NCKAP5: variants seen among roughly 807,000 people sequenced by gnomAD.
NCKAP5 encodes NCK associated protein 5, also known as nck-associated protein 5.
In NCKAP5, 92 loss-of-function variants were observed where a neutral mutation model predicts 167.0. The observed-to-expected ratio is 0.55, with a 90% confidence interval of 0.47 to 0.66. The LOEUF (loss-of-function observed/expected upper bound fraction) is 0.66, where lower values mean the gene tolerates loss of function less well. Among genes scored for constraint, NCKAP5 ranks in the 30% least tolerant of loss-of-function variants. The pLI, the probability that NCKAP5 is intolerant of heterozygous loss-of-function variation, is 0.00. For missense variants in NCKAP5, 2,378 were observed against 2,315.0 expected, an observed-to-expected ratio of 1.03 and a Z score of -0.56; for synonymous variants, 891 against 877.4, an observed-to-expected ratio of 1.02 and a Z score of -0.27.
chr2:133,603,279 T>C, the NCKAP5 span, among the ~76,000 whole-genome samples: 6 of 147,706 alleles, frequency 4.1e-5, no homozygotes, highest in African/African-American at 1.5e-4. Context: ...CAGGCTGAAG[T>C]GCGATGGCGC....
chr2:132,972,697 TA>T (rs935697253), intron 7 of NCKAP5, among the ~76,000 whole-genome samples: 4 of 151,394 alleles, frequency 2.6e-5, no homozygotes, highest in African/African-American at 9.7e-5. Context: ...CCGTCTCTAC[TA>T]AAAAAAATAC....
chr2:133,488,439 G>A (rs1385507335), intron 3 of NCKAP5, among the ~76,000 whole-genome samples: 1 of 152,156 alleles, frequency 6.6e-6, no homozygotes, highest in Non-Finnish European at 1.5e-5. Flanking sequence ...CAATTAGTGA[G>A]TAAATCTCAA....
intron 11 of NCKAP5, 51 bp from the exon 12 acceptor site, chr2:132,796,780 C>A: frequency 7.9e-7 from 1 of 1,265,290 alleles, no homozygotes; most frequent in South Asian, 1.3e-5. Flanking sequence ...AATTATTTGT[C>A]TCAAAATCCT....
At chr2:133,379,250 A>T (rs1455896271) in intron 3 of NCKAP5, among the ~76,000 whole-genome samples, 1 of 152,190 alleles carries the variant, frequency 6.6e-6, no homozygotes, top group Non-Finnish European at 1.5e-5. Context: ...AGCTCACCTC[A>T]TCTCCAGTAA....
rs115697199 is a variant in NCKAP5 at position 132,962,197 on chromosome 2, G to A, written c.579+1523C>T. On this transcript the variant is annotated intron_variant, in intron 8 of 19. Transcript: ENST00000409261. ...ATTGTTAATCACTGTGCCCAGGTAAGTAGGAACAAAATTAAGGAAAAGGAG... is the reference window on the plus strand; with the variant it reads ...ATTGTTAATCACTGTGCCCAGGTAAATAGGAACAAAATTAAGGAAAAGGAG... Among the ~76,000 whole-genome samples, 1,393 of 152,296 alleles carry A rather than the reference G, an allele frequency of 9.1e-3. 19 individuals are homozygous for A. Among genetic ancestry groups the A allele is most frequent in the African/African-American group, 0.031 (1,279 of 41,566 alleles).
At chr2:132,999,506 G>A (rs557796317) in intron 6 of NCKAP5, among the ~76,000 whole-genome samples, 1 of 152,270 alleles carries the variant, frequency 6.6e-6, no homozygotes, top group South Asian at 2.1e-4. Context: ...AGACACCAAA[G>A]GAAGATCTTT....
chr2:132,898,206 A>G (rs961136944), intron 8 of NCKAP5, among the ~76,000 whole-genome samples: 2 of 152,252 alleles, frequency 1.3e-5, no homozygotes, highest in African/African-American at 4.8e-5. Context: ...TTTCATCTCA[A>G]GAAATGACTT....
intron 3 of NCKAP5, among the ~76,000 whole-genome samples, chr2:133,347,047 A>G (rs193019439): frequency 6.6e-6 from 1 of 152,254 alleles, no homozygotes; most frequent in African/African-American, 2.4e-5. Flanking sequence ...TGTGAAATAT[A>G]AAACAACCTT....
At chr2:133,173,642 T>C (rs9287424) in intron 5 of NCKAP5, among the ~76,000 whole-genome samples, 9,006 of 152,284 alleles carry the variant, frequency 0.059, 354 homozygotes, top group East Asian at 0.17. Flanking sequence ...CCACTTTTCC[T>C]TGTCGTATTC....
chr2:133,303,056 G>C lies in NCKAP5; in HGVS notation c.124C>G (p.Gln42Glu). ...IEHLLTQLEE[Q>E]HRSLWREKLA... ...ACTCACCTCCAGAGACTCCTGTGTT[G>C]CTCCTCAAGCTGAGTCAGCAGATGC... Residue 42 changes from glutamine to glutamate, a missense_variant, in exon 4 of 20, where the codon CAA becomes GAA. Transcript: ENST00000409261. The C allele has an allele frequency of 1.2e-6, 2 of 1,600,494 alleles. No homozygotes were observed. The highest frequency in any genetic ancestry group is 1.7e-6 in the Non-Finnish European group (2 of 1,173,000).
At chr2:132,754,806 C>A (rs995571384) in intron 16 of NCKAP5, among the ~76,000 whole-genome samples, 9 of 152,060 alleles carry the variant, frequency 5.9e-5, no homozygotes, top group South Asian at 2.1e-4. Flanking sequence ...AAAAAACAGG[C>A]CAGGGAAATA....
intron 17 of NCKAP5, 31 bp downstream of exon 17, chr2:132,731,706 T>G: frequency 6.5e-7 from 1 of 1,532,620 alleles, no homozygotes; most frequent in South Asian, 1.3e-5. Context: ...TCAGCAAATG[T>G]CTTATTAAGG....
chr2:132,932,919 T>C (rs1255893861), intron 8 of NCKAP5, among the ~76,000 whole-genome samples: 9 of 141,040 alleles, frequency 6.4e-5, no homozygotes, highest in African/African-American at 2.3e-4. Flanking sequence ...GATTATCCTC[T>C]ACTTTTTTTT....
At chr2:133,175,904 T>C (rs1439206110) in intron 5 of NCKAP5, among the ~76,000 whole-genome samples, 1 of 152,176 alleles carries the variant, frequency 6.6e-6, no homozygotes, top group Non-Finnish European at 1.5e-5. Context: ...AATCCATTCA[T>C]AGGACTTGCT....
At chr2:133,380,117 A>G (rs1042755389) in intron 3 of NCKAP5, among the ~76,000 whole-genome samples, 1 of 152,192 alleles carries the variant, frequency 6.6e-6, no homozygotes, top group African/African-American at 2.4e-5. Flanking sequence ...TATTCCTTCT[A>G]TGATATTTAT....
intron 8 of NCKAP5, among the ~76,000 whole-genome samples, chr2:132,913,847 T>C (rs758791428): frequency 6.6e-6 from 1 of 152,212 alleles, no homozygotes; most frequent in Non-Finnish European, 1.5e-5. Context: ...TAATTTTCCA[T>C]TCTCTCTATC....
chr2:133,146,347 G>A (rs78809634), intron 5 of NCKAP5, among the ~76,000 whole-genome samples: 19,827 of 151,996 alleles, frequency 0.13, 1,517 homozygotes, highest in East Asian at 0.39. Context: ...TAAAATGGGA[G>A]GAGGGAAGGG....
intron 3 of NCKAP5, among the ~76,000 whole-genome samples, chr2:133,462,846 A>G (rs894357692): frequency 2.6e-5 from 4 of 152,244 alleles, no homozygotes; most frequent in Non-Finnish European, 5.9e-5. Flanking sequence ...CAGACATGTT[A>G]AAATGCAATG....
chr2:133,088,831 G>A (rs751688304), intron 6 of NCKAP5, among the ~76,000 whole-genome samples: 4 of 152,090 alleles, frequency 2.6e-5, no homozygotes, highest in South Asian at 4.1e-4. Flanking sequence ...GCAGAAGCTC[G>A]CACCTACCTA....
Sources: allele counts gnomAD v4.1 joint callset (sites outside exome capture counted in the v4.1 genomes callset), GRCh38; gene constraint gnomAD v4.1.1; transcripts MANE v1.5; gene names NCBI Gene and HGNC (gene_info 2026-07-23, HGNC 2026-07-21).